The following CCL25 variants were observed in gnomAD, a reference collection of about 807,000 sequenced individuals.
The protein encoded by CCL25 is C-C motif chemokine ligand 25.
Under a neutral mutation model 19.9 loss-of-function variants are expected in CCL25, and 14 were observed. That is an observed-to-expected ratio of 0.70 (90% CI 0.47 to 1.10). The LOEUF (loss-of-function observed/expected upper bound fraction) is 1.10, where lower values mean the gene tolerates loss of function less well. CCL25 is among the 50% of genes least tolerant of loss of function. The probability of loss-of-function intolerance (pLI) is 0.00; values close to 1 mark genes in which losing one functional copy is unlikely to be tolerated. For missense variants in CCL25, 151 were observed against 181.2 expected, an observed-to-expected ratio of 0.83 and a Z score of 0.96; for synonymous variants, 68 against 73.2, an observed-to-expected ratio of 0.93 and a Z score of 0.36.
intron 2 of CCL25, among the ~76,000 whole-genome samples, chr19:8,054,590 A>T (rs2081255599): frequency 6.6e-6 from 1 of 151,900 alleles, no homozygotes; most frequent in African/African-American, 2.4e-5. Flanking sequence ...AGCTTCCTCC[A>T]CTATCTCATC....
At position 8,062,228 on chromosome 19, in the gene CCL25, C is replaced by A. The variant is rs780041285; in HGVS notation, c.*3C>A. 3 of 1,612,876 alleles carry A rather than the reference C, an allele frequency of 1.9e-6. No homozygotes were observed. In the South Asian group the frequency reaches 3.3e-5, roughly 18 times the overall value. ...TCATTGCTTCTGCAGGACTGTGAGC[C>A]GGCTCATTTCTGGGCTCCATCGGCA... On this transcript the variant is annotated 3_prime_UTR_variant, in exon 6 of 6. Transcript: ENST00000315626.
Position 8,053,015 on chromosome 19 carries a change from G to C in CCL25, c.-35G>C. Reference sequence around the variant, plus strand: ...ACGACCCCAGGTGGCCCCGTTATTCGTCCAGGTGCCCAGGGAGGAGGACCC... The same window carrying C: ...ACGACCCCAGGTGGCCCCGTTATTCCTCCAGGTGCCCAGGGAGGAGGACCC... On this transcript the variant is annotated 5_prime_UTR_variant, in exon 2 of 6. Coordinates refer to ENST00000315626, the MANE Select transcript of CCL25 (RefSeq NM_005624.4). 1 of 1,508,840 alleles carries C rather than the reference G, an allele frequency of 6.6e-7. No homozygotes were observed. Among genetic ancestry groups the C allele is most frequent in the Non-Finnish European group, 9.0e-7 (1 of 1,113,808 alleles). 93.5% of individuals were successfully genotyped at this position (1,508,840 alleles called of 1,614,324 possible).
intron 2 of CCL25, among the ~76,000 whole-genome samples, chr19:8,053,767 T>C (rs1420752359): frequency 6.6e-6 from 1 of 152,074 alleles, no homozygotes; most frequent in Non-Finnish European, 1.5e-5. Context: ...CAGAGTAGTC[T>C]CGATCTCCTG....
chr19:8,061,681 C>T (rs1229695687), intron 5 of CCL25, among the ~76,000 whole-genome samples: 1 of 151,890 alleles, frequency 6.6e-6, no homozygotes, highest in Admixed American at 6.6e-5. Context: ...GTGTCAGAAA[C>T]AGAATTCAAA....
chr19:8,056,947 A>G (rs963503017), intron 4 of CCL25, among the ~76,000 whole-genome samples: 1 of 152,102 alleles, frequency 6.6e-6, no homozygotes, highest in Non-Finnish European at 1.5e-5. Flanking sequence ...GGCTCAAGCA[A>G]TCCTCCTACC....
At chr19:8,054,851 G>T (rs1299846037) in intron 2 of CCL25, among the ~76,000 whole-genome samples, 1 of 151,712 alleles carries the variant, frequency 6.6e-6, no homozygotes, top group African/African-American at 2.4e-5. Context: ...TGTTTGGTTG[G>T]TGTTTTGTTT....
rs957061854 is a variant in CCL25 at position 8,057,415 on chromosome 19, G to A, written c.326-386G>A. On this transcript the variant is annotated intron_variant, in intron 4 of 5. Transcript: ENST00000315626. ...CACAATCACATCTCACTGCAGCCTT[G>A]TGTTCCTGGGCTCAAGCAATCCTCC... Among the ~76,000 whole-genome samples, 35 of 152,104 alleles carry A rather than the reference G, an allele frequency of 2.3e-4. 3 individuals are homozygous for A.
intron 2 of CCL25, among the ~76,000 whole-genome samples, chr19:8,054,291 G>T (rs1474018316): frequency 6.6e-6 from 1 of 152,250 alleles, no homozygotes; most frequent in Non-Finnish European, 1.5e-5. Context: ...TTGGGCTGTG[G>T]TCTGATTGTT....
At chr19:8,059,765 C>T (rs1206000518) in intron 5 of CCL25, among the ~76,000 whole-genome samples, 2 of 152,058 alleles carry the variant, frequency 1.3e-5, no homozygotes, top group Non-Finnish European at 2.9e-5. Context: ...GTAATCCTAG[C>T]ACTTTGAGAG....
At position 8,057,877 on chromosome 19, in the gene CCL25, C is replaced by T; in HGVS notation, c.402C>T (p.Ser134=). 6.2e-7 allele frequency: 1 copy of T among 1,613,594 alleles called. No homozygotes were observed. The highest frequency in any genetic ancestry group is 8.5e-7 in the Non-Finnish European group (1 of 1,179,622). ...CGTCCAAGTTTAGCAATCCCATCAG[C>T]AGCAGTAAGAGGAATGTCTCCCTCC... ...LSSSKFSNPI[S]SSKRNVSLLI... The change falls in exon 5 of 6, where the codon AGC becomes AGT. Residue 134 remains serine (S), a synonymous_variant. Coordinates refer to ENST00000315626, the MANE Select transcript of CCL25 (RefSeq NM_005624.4).
chr19:8,057,287 T>A (rs2081279632), intron 4 of CCL25, among the ~76,000 whole-genome samples: 1 of 151,970 alleles, frequency 6.6e-6, no homozygotes. Flanking sequence ...CCCAAAGCAC[T>A]GGGATTATAG....
chr19:8,062,242 G>T lies in CCL25; in HGVS notation c.*17G>T, dbSNP rs1289700263. On this transcript the variant is annotated 3_prime_UTR_variant, in exon 6 of 6. Transcript: ENST00000315626. ...GGACTGTGAGCCGGCTCATTTCTGGGCTCCATCGGCACAGGAGGGGCCGGA... is the reference window on the plus strand; with the variant it reads ...GGACTGTGAGCCGGCTCATTTCTGGTCTCCATCGGCACAGGAGGGGCCGGA... 1.9e-6 allele frequency: 3 copies of T among 1,612,796 alleles called. No individual in the cohort carries two copies. Among genetic ancestry groups the T allele is most frequent in the East Asian group, 2.2e-5 (1 of 44,868 alleles).
rs74708714 is a variant in CCL25, at chr19:8,054,555, C to A, written c.73+1433C>A. ...GTGAGATTGCAGAGAACTCCAAAGG[C>A]CATTTAGGCAGAGAATTGCACCCCA... On this transcript the variant is annotated intron_variant, in intron 2 of 5. Transcript: ENST00000315626. Among the ~76,000 whole-genome samples, 801 of 152,190 alleles carry A rather than the reference C, an allele frequency of 5.3e-3. 14 individuals carry two copies. Among genetic ancestry groups the A allele is most frequent in the African/African-American group, 0.019 (777 of 41,534 alleles).
At chr19:8,054,114 A>G (rs2081251954) in intron 2 of CCL25, among the ~76,000 whole-genome samples, 1 of 152,170 alleles carries the variant, frequency 6.6e-6, no homozygotes, top group African/African-American at 2.4e-5. Context: ...GAGCCCTGAC[A>G]CTGGGTCCTA....
chr19:8,061,517 C>G (rs1436020764), intron 5 of CCL25, among the ~76,000 whole-genome samples: 1 of 152,156 alleles, frequency 6.6e-6, no homozygotes, highest in Admixed American at 6.6e-5. Context: ...ACCTTCTTCC[C>G]CTTCCTGGAG....
At chr19:8,055,250 C>CT (rs2081261345) in intron 2 of CCL25, among the ~76,000 whole-genome samples, 4 of 123,994 alleles carry the variant, frequency 3.2e-5, no homozygotes, top group Non-Finnish European at 6.8e-5. Context: ...AATTGAGCCA[C>CT]TGCACTCCAG....
At chr19:8,059,131 AT>A (rs2081299166) in intron 5 of CCL25, among the ~76,000 whole-genome samples, 2 of 81,756 alleles carry the variant, frequency 2.4e-5, no homozygotes. Flanking sequence ...ATATATATAA[AT>A]ATATATTATA....
At chr19:8,055,072 CA>C (rs1353444047) in intron 2 of CCL25, among the ~76,000 whole-genome samples, 1 of 151,224 alleles carries the variant, frequency 6.6e-6, no homozygotes. Context: ...GGGTGGATCA[CA>C]AGGTCAAGAG....
chr19:8,056,891 G>A (rs996106663), intron 4 of CCL25, among the ~76,000 whole-genome samples: 1 of 152,154 alleles, frequency 6.6e-6, no homozygotes, highest in African/African-American at 2.4e-5. Flanking sequence ...CACCCACGCT[G>A]GAGTGCAATG....
Sources: allele counts gnomAD v4.1 joint callset (sites outside exome capture counted in the v4.1 genomes callset), GRCh38; gene constraint gnomAD v4.1.1; transcripts MANE v1.5; gene names NCBI Gene and HGNC (gene_info 2026-07-23, HGNC 2026-07-21).